UGT2B7: variants seen among roughly 807,000 people sequenced by gnomAD.
UGT2B7 encodes the protein UDP glucuronosyltransferase family 2 member B7, also known as UDP-glucuronosyltransferase 2B7.
Under a neutral mutation model 51.9 loss-of-function variants are expected in UGT2B7, and 51 were observed. That is an observed-to-expected ratio of 0.98 (90% confidence interval 0.78 to 1.24). UGT2B7 has a LOEUF of 1.24. Ranked by LOEUF, UGT2B7 falls within the 50% of genes most tolerant of loss-of-function variation. The probability of loss-of-function intolerance (pLI) is 0.00; values close to 1 mark genes in which losing one functional copy is unlikely to be tolerated. For synonymous variants in UGT2B7, 225 were observed against 211.6 expected, an observed-to-expected ratio of 1.06 and a Z score of -0.55; for missense variants, 727 against 628.4, an observed-to-expected ratio of 1.16 and a Z score of -1.68.
Position 69,070,291 on chromosome 4 carries a change from T to C in UGT2B7, c.-159+18689T>C, listed in dbSNP as rs186229040. Among the ~76,000 whole-genome samples, 532 of 147,794 alleles carry C rather than the reference T, an allele frequency of 3.6e-3. 1 individual carries two copies. Among genetic ancestry groups the C allele is most frequent in the African/African-American group, 0.013 (512 of 40,896 alleles). ...ATACTTTTATATATAATAAATATACTTATATATTGTATTTTTATTGTTTTA... is the reference window on the plus strand; with the variant it reads ...ATACTTTTATATATAATAAATATACCTATATATTGTATTTTTATTGTTTTA... On this transcript the variant is annotated intron_variant, in intron 1 of 5. Transcript: ENST00000502942.
At chr4:69,062,393 G>T (rs1032760038) in intron 1 of UGT2B7, among the ~76,000 whole-genome samples, 1 of 152,210 alleles carries the variant, frequency 6.6e-6, no homozygotes, top group Non-Finnish European at 1.5e-5. Flanking sequence ...ATATGGCTAA[G>T]CGCAGGAAAG....
chr4:69,068,958 C>T (rs1718539404), intron 1 of UGT2B7, among the ~76,000 whole-genome samples: 1 of 151,924 alleles, frequency 6.6e-6, no homozygotes, highest in Non-Finnish European at 1.5e-5. Flanking sequence ...TAACAGTGAA[C>T]ATTTACTGAC....
intron 1 of UGT2B7, among the ~76,000 whole-genome samples, chr4:69,088,572 A>G (rs1577917297): frequency 6.6e-6 from 1 of 152,262 alleles, no homozygotes; most frequent in South Asian, 2.1e-4. Flanking sequence ...AAAGCTCCGT[A>G]TGAGTATCTG....
At chr4:69,059,648 G>T (rs1466756842) in intron 1 of UGT2B7, among the ~76,000 whole-genome samples, 1 of 152,190 alleles carries the variant, frequency 6.6e-6, no homozygotes, top group Non-Finnish European at 1.5e-5. Flanking sequence ...TTAAAATCCA[G>T]TTCAGGTCCA....
At chr4:69,102,648 GC>G (rs2109888625) in intron 2 of UGT2B7, among the ~76,000 whole-genome samples, 158 bp from the exon 3 acceptor site, 1 of 151,766 alleles carries the variant, frequency 6.6e-6, no homozygotes, top group Non-Finnish European at 1.5e-5. Context: ...ACATCTACTT[GC>G]AAAAAAACTG....
intron 1 of UGT2B7, among the ~76,000 whole-genome samples, chr4:69,071,083 A>G (rs1345801066): frequency 2.0e-5 from 3 of 152,120 alleles, no homozygotes; most frequent in African/African-American, 4.8e-5. Flanking sequence ...TGCTTTAGTA[A>G]TGACCATTTG....
At chr4:69,112,229 T>C (rs1719792532) in intron 5 of UGT2B7, among the ~76,000 whole-genome samples, 1 of 152,178 alleles carries the variant, frequency 6.6e-6, no homozygotes. Context: ...CCCCCAGTTA[T>C]GTACCCACTG....
intron 5 of UGT2B7, among the ~76,000 whole-genome samples, chr4:69,109,180 G>A (rs1247105622): frequency 6.6e-6 from 1 of 151,850 alleles, no homozygotes; most frequent in Admixed American, 6.6e-5. Flanking sequence ...CCTTTTGATT[G>A]TTTTCAATTG....
At chr4:69,106,059 A>AT (rs1377255452) in intron 3 of UGT2B7, among the ~76,000 whole-genome samples, 23 of 152,124 alleles carry the variant, frequency 1.5e-4, no homozygotes, top group Non-Finnish European at 3.4e-4. Context: ...ATTTTTATAC[A>AT]TTTTTAGAAT....
intron 5 of UGT2B7, among the ~76,000 whole-genome samples, chr4:69,109,118 T>C (rs1719698844): frequency 6.6e-6 from 1 of 152,154 alleles, no homozygotes; most frequent in Non-Finnish European, 1.5e-5. Flanking sequence ...CAGTTTAATA[T>C]TTTTTAGTAA....
At chr4:69,062,238 C>A (rs1478049298) in intron 1 of UGT2B7, among the ~76,000 whole-genome samples, 1 of 152,134 alleles carries the variant, frequency 6.6e-6, no homozygotes, top group African/African-American at 2.4e-5. Context: ...CCCCACAAAA[C>A]AAACCACACT....
At chr4:69,075,702 G>A (rs538925585) in intron 1 of UGT2B7, among the ~76,000 whole-genome samples, 6 of 152,128 alleles carry the variant, frequency 3.9e-5, no homozygotes, top group Non-Finnish European at 7.4e-5. Context: ...GTAATAAAAC[G>A]CTTGCTGTTT....
intron 1 of UGT2B7, among the ~76,000 whole-genome samples, chr4:69,070,473 T>G (rs1372201504): frequency 2.0e-5 from 3 of 150,078 alleles, no homozygotes; most frequent in Non-Finnish European, 4.4e-5. Flanking sequence ...AGATCCTTGT[T>G]AAAAATTGCA....
At chr4:69,097,869 A>G (rs985043742) in intron 1 of UGT2B7, among the ~76,000 whole-genome samples, 22 of 152,078 alleles carry the variant, frequency 1.4e-4, no homozygotes, top group African/African-American at 5.1e-4. Flanking sequence ...TTATATCTAC[A>G]TAGTTTTTTG....
chr4:69,086,328 T>C (rs1339669154), intron 1 of UGT2B7, among the ~76,000 whole-genome samples: 1 of 151,868 alleles, frequency 6.6e-6, no homozygotes, highest in East Asian at 1.9e-4. Flanking sequence ...CTAGTTTTAT[T>C]CCATTGTGGA....
chr4:69,088,522 A>C (rs1490571206), intron 1 of UGT2B7, among the ~76,000 whole-genome samples: 1 of 152,108 alleles, frequency 6.6e-6, no homozygotes, highest in African/African-American at 2.4e-5. Context: ...CAATAACTGG[A>C]GCTTAATCTC....
intron 5 of UGT2B7, among the ~76,000 whole-genome samples, chr4:69,108,777 CCCT>C (rs1194575759): frequency 6.6e-6 from 1 of 151,782 alleles, no homozygotes; most frequent in African/African-American, 2.4e-5. Flanking sequence ...CATAAAACCC[CCCT>C]GTTTATGTTA....
chr4:69,057,349 C>T (rs538765453), intron 1 of UGT2B7, among the ~76,000 whole-genome samples: 28 of 152,242 alleles, frequency 1.8e-4, no homozygotes, highest in Admixed American at 7.9e-4. Context: ...CACACACACA[C>T]GCACACTTGC....
At chr4:69,103,961 C>A (rs7375178) in intron 3 of UGT2B7, among the ~76,000 whole-genome samples, 89,911 of 151,882 alleles carry the variant, frequency 0.59, 27,976 homozygotes, top group African/African-American at 0.77. Context: ...GAGTAGGGGA[C>A]TAAGGAGAAT....
Sources: gnomAD v4.1 joint callset for allele counts (sites outside exome capture counted in the v4.1 genomes callset) on GRCh38, gnomAD v4.1.1 for gene constraint, MANE v1.5 for transcripts, NCBI Gene and HGNC (gene_info 2026-07-23, HGNC 2026-07-21) for gene names.